Variants in STXBP5L observed in about 807,000 individuals in gnomAD.
STXBP5L encodes the protein syntaxin-binding protein 5-like.
A neutral mutation model predicts 144.5 loss-of-function variants in STXBP5L; 65 were observed. The ratio of observed to expected loss-of-function variants is 0.45; its 90% CI spans 0.37 to 0.55. The LOEUF (loss-of-function observed/expected upper bound fraction) is 0.55, where lower values mean the gene tolerates loss of function less well. STXBP5L is among the 20% of genes least tolerant of loss of function. The pLI, the probability that STXBP5L is intolerant of heterozygous loss-of-function variation, is 0.00. For synonymous variants in STXBP5L, 505 were observed against 469.6 expected, an observed-to-expected ratio of 1.08 and a Z score of -0.97; for missense variants, 1,298 against 1,405.5, an observed-to-expected ratio of 0.92 and a Z score of 1.22.
Position 121,077,442 on chromosome 3 carries a change from T to A in STXBP5L, c.470+31907T>A, listed in dbSNP as rs138721142. ...TCTTCCTTCTGGTGGATTCGTGGTC[T>A]CGCTGGCTAGGAGTGAAGCTGCAGA... On this transcript the variant is annotated intron_variant, in intron 5 of 26. Transcript: ENST00000471454. Among the ~76,000 whole-genome samples, 875 of 152,300 alleles carry A rather than the reference T, an allele frequency of 5.7e-3. 5 individuals carry two copies. The highest frequency in any genetic ancestry group is 0.01 in the Non-Finnish European group (702 of 68,036).
intron 22 of STXBP5L, among the ~76,000 whole-genome samples, chr3:121,400,058 A>G (rs1261510489): frequency 6.6e-6 from 1 of 152,164 alleles, no homozygotes; most frequent in Non-Finnish European, 1.5e-5. Context: ...CCTTTTGTCT[A>G]CTGATGCACA....
At chr3:121,008,224 A>G (rs185803850) in intron 3 of STXBP5L, among the ~76,000 whole-genome samples, 2 of 152,046 alleles carry the variant, frequency 1.3e-5, no homozygotes, top group African/African-American at 4.8e-5. Flanking sequence ...TTTAGTAGCA[A>G]CAACTCTAGC....
rs529029025 is a variant in STXBP5L at position 121,216,795 on chromosome 3, C to T, written c.957-6208C>T. ...TAAGCTGCGCCCACAGCCACCCCTC[C>T]GCCAGGTGCTCTGTCCAAGGGAGAT... On this transcript the variant is annotated intron_variant, in intron 10 of 26. Coordinates refer to ENST00000471454, the MANE Select transcript of STXBP5L (RefSeq NM_001308330.2). Among the ~76,000 whole-genome samples the T allele has an allele frequency of 2.4e-4, 37 of 152,282 alleles. 1 individual carries two copies. In the South Asian group the frequency reaches 3.9e-3, roughly 16 times the overall value.
intron 7 of STXBP5L, among the ~76,000 whole-genome samples, chr3:121,138,571 T>C (rs1391030156): frequency 6.6e-6 from 1 of 152,046 alleles, no homozygotes; most frequent in African/African-American, 2.4e-5. Flanking sequence ...CATAGGCTGA[T>C]GGAACATATT....
chr3:121,210,471 T>C (rs1342557904), intron 10 of STXBP5L, among the ~76,000 whole-genome samples: 4 of 152,170 alleles, frequency 2.6e-5, no homozygotes, highest in Non-Finnish European at 5.9e-5. Context: ...TTTGTTGCCA[T>C]TGCTTTTGGT....
intron 19 of STXBP5L, among the ~76,000 whole-genome samples, chr3:121,313,333 C>T (rs1247449936): frequency 5.2e-5 from 7 of 133,994 alleles, no homozygotes; most frequent in Admixed American, 1.4e-4. Context: ...GGCGGCTGGC[C>T]GGGCGGGGGG....
chr3:120,976,606 T>C (rs1412443200), intron 3 of STXBP5L, among the ~76,000 whole-genome samples: 2 of 152,110 alleles, frequency 1.3e-5, no homozygotes, highest in Admixed American at 6.6e-5. Flanking sequence ...GTGTTTGCTC[T>C]TGCTTTTCTA....
At chr3:121,113,672 C>CTTTTTTTTT (rs1231857211) in intron 5 of STXBP5L, among the ~76,000 whole-genome samples, 6 of 122,570 alleles carry the variant, frequency 4.9e-5, no homozygotes, top group Non-Finnish European at 8.3e-5. Context: ...TTTTCTTTTT[C>CTTTTTTTTT]TTTTTTTTTT....
At chr3:121,160,771 C>T (rs1399301990) in intron 9 of STXBP5L, among the ~76,000 whole-genome samples, 1 of 151,832 alleles carries the variant, frequency 6.6e-6, no homozygotes, top group Non-Finnish European at 1.5e-5. Context: ...TTCCCTCTTT[C>T]CTCTTTTTGC....
At chr3:121,301,505 A>C (rs1295730534) in intron 19 of STXBP5L, among the ~76,000 whole-genome samples, 1 of 152,076 alleles carries the variant, frequency 6.6e-6, no homozygotes, top group African/African-American at 2.4e-5. Context: ...GGGCAATTTG[A>C]CTTCCTCTTT....
intron 14 of STXBP5L, among the ~76,000 whole-genome samples, chr3:121,250,240 T>C (rs2049987189): frequency 6.6e-6 from 1 of 152,064 alleles, no homozygotes; most frequent in South Asian, 2.1e-4. Flanking sequence ...TTCTTCTATT[T>C]TCTCGATGAG....
In STXBP5L at chr3:120,980,143, G is replaced by T. The variant is rs149652730; in HGVS notation, c.287+25106G>T. 5.7e-3 allele frequency among the ~76,000 whole-genome samples: 873 copies of T among 152,206 alleles called. 5 individuals are homozygous for T. Among genetic ancestry groups the T allele is most frequent in the Non-Finnish European group, 0.01 (699 of 68,008 alleles). On this transcript the variant is annotated intron_variant, in intron 3 of 26. Transcript: ENST00000471454. The stretch of plus-strand genomic sequence containing the variant: ...CACTTGTTTTGTGGCCTGACATATG[G>T]TATATTTTGGGGGATGTTTCATGTG...
chr3:121,079,527 A>G (rs2042164958), intron 5 of STXBP5L, among the ~76,000 whole-genome samples: 1 of 152,208 alleles, frequency 6.6e-6, no homozygotes, highest in Non-Finnish European at 1.5e-5. Context: ...GGATTTTAAA[A>G]TTTCTATTAC....
chr3:121,415,129 C>G (rs1221600790), intron 24 of STXBP5L, among the ~76,000 whole-genome samples: 17 of 152,140 alleles, frequency 1.1e-4, no homozygotes, highest in Admixed American at 1.1e-3. Flanking sequence ...GGTCACAGAT[C>G]TCCTGACTCA....
rs570098465 is a variant in STXBP5L, at chr3:121,340,292, A to T, written c.2176+21752A>T. Among the ~76,000 whole-genome samples, 6 of 152,252 alleles carry T rather than the reference A, an allele frequency of 3.9e-5. No homozygotes were observed. The South Asian group carries it at 1.2e-3, about 32-fold the overall frequency. On this transcript the variant is annotated intron_variant, in intron 20 of 26. Coordinates refer to ENST00000471454, the MANE Select transcript of STXBP5L (RefSeq NM_001308330.2). The stretch of plus-strand genomic sequence containing the variant: ...GATCTTTGACAAAGTATAGAAAGGC[A>T]TGGAATATTATTTTTTTCAAGGTAG...
At chr3:120,953,420 C>T (rs368014925) in intron 2 of STXBP5L, among the ~76,000 whole-genome samples, 4 of 149,426 alleles carry the variant, frequency 2.7e-5, no homozygotes, top group East Asian at 2.0e-4. Context: ...CTTCAACCTC[C>T]TGGGCTCAAG....
chr3:121,217,680 T>G (rs1380574729), intron 10 of STXBP5L, among the ~76,000 whole-genome samples: 2 of 152,148 alleles, frequency 1.3e-5, no homozygotes, highest in Non-Finnish European at 2.9e-5. Flanking sequence ...TAAAAATCTT[T>G]TCTCTTTCCT....
intron 24 of STXBP5L, among the ~76,000 whole-genome samples, chr3:121,415,463 G>GT (rs781663617): frequency 6.6e-6 from 1 of 152,066 alleles, no homozygotes; most frequent in Non-Finnish European, 1.5e-5. Flanking sequence ...CACCAAAGCT[G>GT]TCCTATTTCA....
At chr3:121,189,090 C>T (rs2108149905) in intron 9 of STXBP5L, among the ~76,000 whole-genome samples, 1 of 152,194 alleles carries the variant, frequency 6.6e-6, no homozygotes, top group East Asian at 1.9e-4. Flanking sequence ...TCTCCTTAAG[C>T]TGATAAGCTC....
Sources: gnomAD v4.1 joint callset for allele counts (sites outside exome capture counted in the v4.1 genomes callset) on GRCh38, gnomAD v4.1.1 for gene constraint, MANE v1.5 for transcripts, NCBI Gene and HGNC (gene_info 2026-07-23, HGNC 2026-07-21) for gene names.